FAM107B: variants seen among roughly 807,000 people sequenced by gnomAD.
The protein encoded by FAM107B is protein FAM107B.
FAM107B carries 21 observed loss-of-function variants against 31.5 expected under a neutral mutation model. The observed-to-expected ratio is 0.67, with a 90% CI of 0.47 to 0.96. The LOEUF is 0.96. FAM107B is among the 40% of genes least tolerant of loss of function. FAM107B has a pLI of 0.00. For synonymous variants in FAM107B, 157 were observed against 141.5 expected, an observed-to-expected ratio of 1.11 and a Z score of -0.78; for missense variants, 452 against 377.1, an observed-to-expected ratio of 1.20 and a Z score of -1.64.
In FAM107B at chr10:14,647,755, G is replaced by C. The variant is rs1853794737; in HGVS notation, c.469+19879C>G. Among the ~76,000 whole-genome samples the C allele has an allele frequency of 2.6e-5, 4 of 151,562 alleles. No individual in the cohort carries two copies. In the South Asian group the frequency reaches 8.3e-4, roughly 32 times the overall value. On this transcript the variant is annotated intron_variant, in intron 2 of 4. Coordinates refer to ENST00000181796, the MANE Select transcript of FAM107B (RefSeq NM_031453.4). ...GATTGCTGTTTGAAAATGAAACAAG[G>C]CATTTGCAGTCAACAATTCTGGACT... is the stretch of plus-strand genomic sequence containing the variant.
chr10:14,616,465 A>G (rs7072976), intron 2 of FAM107B, among the ~76,000 whole-genome samples: 14,566 of 152,282 alleles, frequency 0.096, 882 homozygotes, highest in African/African-American at 0.16. Context: ...ACACCAAGAA[A>G]TGGATAAAAG....
chr10:14,770,977 A>T (rs1833288902), intron 1 of FAM107B, among the ~76,000 whole-genome samples: 2 of 19,212 alleles, frequency 1.0e-4, no homozygotes, highest in African/African-American at 8.9e-4. Context: ...GGCTGAACTA[A>T]AAAAAAAAAA....
chr10:14,715,782 G>A (rs1332648672), intron 1 of FAM107B, among the ~76,000 whole-genome samples: 2 of 152,166 alleles, frequency 1.3e-5, no homozygotes, highest in Admixed American at 1.3e-4. Context: ...ATTGACACAA[G>A]TGCCTCCCAA....
At chr10:14,625,246 T>C (rs1853126576) in intron 2 of FAM107B, among the ~76,000 whole-genome samples, 2 of 127,496 alleles carry the variant, frequency 1.6e-5, no homozygotes, top group South Asian at 5.1e-4. Flanking sequence ...AAAAAAGGAA[T>C]GTCGTGTGCG....
At chr10:14,705,676 G>A (rs148652293) in intron 1 of FAM107B, among the ~76,000 whole-genome samples, 1 of 152,056 alleles carries the variant, frequency 6.6e-6, no homozygotes, top group East Asian at 1.9e-4. Context: ...AATGCATAGA[G>A]AGAACAAGCA....
At chr10:14,577,266 G>A (rs568301660) in intron 2 of FAM107B, among the ~76,000 whole-genome samples, 2 of 152,132 alleles carry the variant, frequency 1.3e-5, no homozygotes, top group Non-Finnish European at 2.9e-5. Flanking sequence ...ACATCTTAAA[G>A]AAAGCATGCT....
At chr10:14,538,151 C>T (rs998204343) in intron 2 of FAM107B, among the ~76,000 whole-genome samples, 1 of 152,182 alleles carries the variant, frequency 6.6e-6, no homozygotes, top group African/African-American at 2.4e-5. Context: ...TCTAACATCA[C>T]AGCTTTACGA....
At chr10:14,677,634 GA>G (rs77918607) in intron 1 of FAM107B, among the ~76,000 whole-genome samples, 147 of 143,084 alleles carry the variant, frequency 1.0e-3, no homozygotes, top group African/African-American at 2.4e-3. Flanking sequence ...AAACAAAAAA[GA>G]AAAAAAAAAA....
chr10:14,609,576 G>C (rs1852676703), intron 2 of FAM107B, among the ~76,000 whole-genome samples: 1 of 152,148 alleles, frequency 6.6e-6, no homozygotes, highest in Admixed American at 6.5e-5. Context: ...TCTCTGACTT[G>C]GCCATCTAGG....
intron 2 of FAM107B, among the ~76,000 whole-genome samples, chr10:14,593,289 T>C (rs1852078238): frequency 6.6e-6 from 1 of 152,050 alleles, no homozygotes; most frequent in South Asian, 2.1e-4. Flanking sequence ...GAAAAATAAG[T>C]TTAACGACAC....
chr10:14,605,417 G>T (rs1326141950), intron 2 of FAM107B, among the ~76,000 whole-genome samples: 2 of 152,196 alleles, frequency 1.3e-5, no homozygotes, highest in Non-Finnish European at 2.9e-5. Context: ...GTGGATTTTA[G>T]ATCAAAAGCT....
rs1207486998 is a variant in FAM107B at position 14,771,617 on chromosome 10, C to A, written c.411+2636G>T. On this transcript the variant is annotated intron_variant, in intron 1 of 4. Transcript: ENST00000181796. ...TGTGATATATCAATTAAAATAACAACAAATAAAAATAAATTAAAAAACAAA... is the reference window on the plus strand; with the variant it reads ...TGTGATATATCAATTAAAATAACAAAAAATAAAAATAAATTAAAAAACAAA... Among the ~76,000 whole-genome samples the A allele has an allele frequency of 2.2e-3, 331 of 151,318 alleles. 10 individuals carry two copies. The highest frequency in any genetic ancestry group is 1.5e-4 in the Non-Finnish European group (10 of 68,002).
chr10:14,774,462 T>C lies in FAM107B; in HGVS notation c.202A>G (p.Ser68Gly). The change falls in exon 1 of 5, where the codon AGC becomes GGC. Residue 68 changes from serine (S) to glycine (G), a missense_variant. By Grantham distance (56) the Ser-to-Gly change is moderately conservative (BLOSUM62 0). Coordinates refer to ENST00000181796, the MANE Select transcript of FAM107B (RefSeq NM_031453.4). Reference sequence around the variant, plus strand: ...CTTTTCTCTGGAGCTCCTTCTGCGCTTGGGTGTCTTGGCTGTCTGCCTGCT... The same window carrying C: ...CTTTTCTCTGGAGCTCCTTCTGCGCCTGGGTGTCTTGGCTGTCTGCCTGCT... The part of the protein sequence containing the change: ...AKAGRQPRHP[S>G]AEGAPEKRQD... 6.2e-7 allele frequency: 1 copy of C among 1,614,194 alleles called. No individual in the cohort carries two copies. Among genetic ancestry groups the C allele is most frequent in the South Asian group, 1.1e-5 (1 of 91,082 alleles).
chr10:14,619,666 T>C (rs1588662401), intron 2 of FAM107B, among the ~76,000 whole-genome samples: 1 of 147,796 alleles, frequency 6.8e-6, no homozygotes, highest in East Asian at 2.1e-4. Context: ...TGAAGGCTTA[T>C]TTATCCATGC....
rs12049700 is a variant in FAM107B, at chr10:14,618,950, C to T, written c.469+48684G>A. On this transcript the variant is annotated intron_variant, in intron 2 of 4. Coordinates refer to ENST00000181796, the MANE Select transcript of FAM107B (RefSeq NM_031453.4). ...AGAGGAGACGAGACACAGAAACAGA[C>T]ACGCAGGAAGAAGATGGTCTTGTGA... 3.3e-5 allele frequency among the ~76,000 whole-genome samples: 5 copies of T among 152,110 alleles called. No individual in the cohort carries two copies. The East Asian group carries it at 7.7e-4, about 23-fold the overall frequency.
chr10:14,640,960 G>C (rs147808265), intron 2 of FAM107B, among the ~76,000 whole-genome samples: 1 of 152,116 alleles, frequency 6.6e-6, no homozygotes, highest in Non-Finnish European at 1.5e-5. Flanking sequence ...CCTTAACCCA[G>C]TGTAATTATC....
At chr10:14,597,804 G>C (rs1443949481) in intron 2 of FAM107B, among the ~76,000 whole-genome samples, 1 of 152,162 alleles carries the variant, frequency 6.6e-6, no homozygotes, top group Non-Finnish European at 1.5e-5. Flanking sequence ...ACAAAAGTGA[G>C]CCAGGCGTGG....
intron 1 of FAM107B, among the ~76,000 whole-genome samples, chr10:14,691,365 A>T (rs924544835): frequency 6.6e-6 from 1 of 152,208 alleles, no homozygotes; most frequent in African/African-American, 2.4e-5. Context: ...AAAGTCTAAG[A>T]CATGATCAAG....
chr10:14,548,595 G>A (rs914703769), intron 2 of FAM107B: 4 of 985,342 alleles, frequency 4.1e-6, no homozygotes, highest in Admixed American at 6.1e-5. Context: ...ATGGGAAGAA[G>A]GGAAGGCAGA....
Sources: allele counts gnomAD v4.1 joint callset (sites outside exome capture counted in the v4.1 genomes callset), GRCh38; gene constraint gnomAD v4.1.1; transcripts MANE v1.5; gene names NCBI Gene and HGNC (gene_info 2026-07-23, HGNC 2026-07-21).